The following STK39 variants were observed in gnomAD, a reference collection of about 807,000 sequenced individuals.
STK39 encodes the protein STE20/SPS1-related proline-alanine-rich protein kinase.
STK39 carries 20 observed loss-of-function variants against 77.8 expected under a neutral mutation model. That is an observed-to-expected ratio of 0.26 (90% CI 0.18 to 0.37). The LOEUF is 0.37. Among genes scored for constraint, STK39 ranks in the 10% least tolerant of loss-of-function variants. The pLI, the probability that STK39 is intolerant of heterozygous loss-of-function variation, is 1.00. For missense variants in STK39, 479 were observed against 656.5 expected, an observed-to-expected ratio of 0.73 and a Z score of 2.95; for synonymous variants, 246 against 234.1, an observed-to-expected ratio of 1.05 and a Z score of -0.47.
chr2:168,056,013 CA>C (rs915881868), intron 14 of STK39, among the ~76,000 whole-genome samples: 6 of 151,656 alleles, frequency 4.0e-5, no homozygotes, highest in African/African-American at 1.2e-4. Flanking sequence ...ATACTATGGA[CA>C]AAAAAAATTT....
chr2:168,026,783 T>C (rs2105333234), intron 14 of STK39, among the ~76,000 whole-genome samples: 1 of 152,350 alleles, frequency 6.6e-6, no homozygotes, highest in East Asian at 1.9e-4. Flanking sequence ...TTAAAATTTA[T>C]ATAATCAGCT....
chr2:168,129,448 C>T, intron 10 of STK39, 93 bp downstream of exon 10: 1 of 1,387,334 alleles, frequency 7.2e-7, no homozygotes, highest in Non-Finnish European at 1.0e-6. Flanking sequence ...ATAGTATATC[C>T]TGCATATGTG....
In STK39 at chr2:167,967,043, G is replaced by A. The variant is rs555039969; in HGVS notation, c.1499-2317C>T. Among the ~76,000 whole-genome samples, 3 of 152,304 alleles carry A rather than the reference G, an allele frequency of 2.0e-5. No homozygotes were observed. The South Asian group carries it at 6.2e-4, about 32-fold the overall frequency. On this transcript the variant is annotated intron_variant, in intron 16 of 17. Transcript: ENST00000355999. ...AAAACGCTCCTTACCTGGAACGTGA[G>A]CTGAGAAGGAAGGGCTGGGTAGGGC...
Position 167,957,348 on chromosome 2 carries a change from G to A in STK39, c.1564-1778C>T, listed in dbSNP as rs915731815. Among the ~76,000 whole-genome samples the A allele has an allele frequency of 3.9e-5, 6 of 152,162 alleles. 1 individual carries two copies. The highest frequency in any genetic ancestry group is 1.2e-4 in the African/African-American group (5 of 41,434). On this transcript the variant is annotated intron_variant, in intron 17 of 17. Coordinates refer to ENST00000355999, the MANE Select transcript of STK39 (RefSeq NM_013233.3). The stretch of plus-strand genomic sequence containing the variant: ...TGTCATTGTTTGTGTTGACAGGGGC[G>A]ATGAGGTCTGAAATGCTCTTCTCCT...
intron 14 of STK39, among the ~76,000 whole-genome samples, chr2:168,048,815 T>G (rs529602937): frequency 6.6e-6 from 1 of 152,226 alleles, no homozygotes; most frequent in Non-Finnish European, 1.5e-5. Context: ...CATGTCCAGA[T>G]GGTCATATCA....
chr2:168,017,994 C>T (rs1239454672), intron 14 of STK39, among the ~76,000 whole-genome samples: 1 of 151,980 alleles, frequency 6.6e-6, no homozygotes, highest in Non-Finnish European at 1.5e-5. Context: ...GAAAAATATA[C>T]ATGTATATGC....
intron 10 of STK39, among the ~76,000 whole-genome samples, chr2:168,110,887 G>A (rs1687105050): frequency 6.6e-6 from 1 of 152,124 alleles, no homozygotes; most frequent in Admixed American, 6.6e-5. Context: ...TTCCTATATT[G>A]AGTCTTCTTA....
At chr2:168,195,999 A>G (rs1414600756) in intron 1 of STK39, among the ~76,000 whole-genome samples, 1 of 152,212 alleles carries the variant, frequency 6.6e-6, no homozygotes, top group Non-Finnish European at 1.5e-5. Context: ...CCTGGGCTAC[A>G]AGAGCAAAAC....
rs115368603 is a variant in STK39 at position 168,047,144 on chromosome 2, T to C, written c.1376+16356A>G. Among the ~76,000 whole-genome samples the C allele has an allele frequency of 3.7e-3, 561 of 152,328 alleles. 3 individuals are homozygous for C. The highest frequency in any genetic ancestry group is 0.013 in the African/African-American group (530 of 41,572). On this transcript the variant is annotated intron_variant, in intron 14 of 17. Coordinates refer to ENST00000355999, the MANE Select transcript of STK39 (RefSeq NM_013233.3). ...GAAAAGAGGTAAAAGAGACAGAATG[T>C]TTTAAGAAATAAAAAAAAGATTCTT...
intron 16 of STK39, among the ~76,000 whole-genome samples, chr2:167,974,204 C>T (rs1003612226): frequency 6.6e-6 from 1 of 152,076 alleles, no homozygotes; most frequent in Admixed American, 6.5e-5. Flanking sequence ...TAAGTCTTCC[C>T]CCTATCAGTG....
At chr2:168,212,616 T>C (rs1689918252) in intron 1 of STK39, among the ~76,000 whole-genome samples, 1 of 152,242 alleles carries the variant, frequency 6.6e-6, no homozygotes, top group South Asian at 2.1e-4. Context: ...CCATGCTCCA[T>C]GACTAACCTT....
chr2:168,224,278 C>A (rs1350932159), intron 1 of STK39, among the ~76,000 whole-genome samples: 1 of 152,020 alleles, frequency 6.6e-6, no homozygotes, highest in African/African-American at 2.4e-5. Flanking sequence ...AGGCTCTATA[C>A]ATACATATGT....
intron 10 of STK39, among the ~76,000 whole-genome samples, chr2:168,094,164 T>A (rs1010045664): frequency 6.6e-6 from 1 of 152,182 alleles, no homozygotes; most frequent in Admixed American, 6.5e-5. Flanking sequence ...GGCCAAGTCC[T>A]CCCCTGATCT....
At chr2:168,017,019 A>G (rs746652291) in intron 15 of STK39, 24 bp downstream of exon 15, 17 of 1,579,380 alleles carry the variant, frequency 1.1e-5, no homozygotes, top group Admixed American at 1.8e-5. Flanking sequence ...AGGCAATAAA[A>G]TAATAACTTC....
chr2:168,242,578 T>A (rs865790422), intron 1 of STK39, among the ~76,000 whole-genome samples: 1,098 of 90,130 alleles, frequency 0.012, 81 homozygotes, highest in East Asian at 0.052. Context: ...TATATATATA[T>A]ATATATATAT....
chr2:168,015,283 T>A (rs184192785), intron 15 of STK39, among the ~76,000 whole-genome samples: 2 of 152,368 alleles, frequency 1.3e-5, no homozygotes, highest in African/African-American at 4.8e-5. Context: ...CGTTATACAT[T>A]TTGTGCCATA....
intron 14 of STK39, among the ~76,000 whole-genome samples, chr2:168,043,476 T>C (rs1303087890): frequency 6.6e-6 from 1 of 152,256 alleles, no homozygotes; most frequent in African/African-American, 2.4e-5. Context: ...TTAAACGATA[T>C]TTCCCTACTT....
intron 1 of STK39, among the ~76,000 whole-genome samples, chr2:168,220,242 C>A (rs1339017491): frequency 6.6e-6 from 1 of 152,100 alleles, no homozygotes; most frequent in African/African-American, 2.4e-5. Flanking sequence ...CAATTCGCAA[C>A]AGCAACAAAT....
At chr2:168,037,735 C>G (rs187867975) in intron 14 of STK39, among the ~76,000 whole-genome samples, 1 of 152,024 alleles carries the variant, frequency 6.6e-6, no homozygotes, top group Non-Finnish European at 1.5e-5. Context: ...AAAATATATG[C>G]AAAGTAAAAG....
Sources: gnomAD v4.1 joint callset for allele counts (sites outside exome capture counted in the v4.1 genomes callset) on GRCh38, gnomAD v4.1.1 for gene constraint, MANE v1.5 for transcripts, NCBI Gene and HGNC (gene_info 2026-07-23, HGNC 2026-07-21) for gene names.